Variants in SLC22A6 observed in about 807,000 individuals in gnomAD.
SLC22A6 encodes PAH transporter.
Under a neutral mutation model 56.7 loss-of-function variants are expected in SLC22A6, and 45 were observed. The observed-to-expected ratio is 0.79, with a 90% CI of 0.63 to 1.02. The LOEUF is 1.02. Ranked by LOEUF, SLC22A6 falls within the 50% of genes least tolerant of loss-of-function variation. The probability of loss-of-function intolerance (pLI) is 0.00; values close to 1 mark genes in which losing one functional copy is unlikely to be tolerated. For missense variants in SLC22A6, 606 were observed against 713.8 expected (o/e 0.85, Z 1.72); for synonymous variants, 291 against 295.9 (o/e 0.98, Z 0.17).
chr11:62,979,033 T>C (rs879902682), intron 8 of SLC22A6, among the ~76,000 whole-genome samples: 6 of 152,218 alleles, frequency 3.9e-5, no homozygotes, highest in Non-Finnish European at 8.8e-5. Context: ...AAATAAGCAA[T>C]ACTATATTTA....
chr11:62,984,357 C>CA lies in SLC22A6; in HGVS notation c.333dup (p.Asp112Ter). 1 of 1,613,726 alleles carries CA rather than the reference C, an allele frequency of 6.2e-7. No homozygotes were observed. The highest frequency in any genetic ancestry group is 8.5e-7 in the Non-Finnish European group (1 of 1,179,986). ...ATGGTAGATGGGAAGGTGCTGTTGT[C>CA]ATAGATCCAGCCATCGGTGCAGGGC... On this transcript the variant is annotated frameshift_variant, in exon 1 of 10. Transcript: ENST00000360421. LOFTEE classifies it high-confidence loss of function.
At chr11:62,978,309 G>GTTTATTTTAT (rs57569773) in intron 8 of SLC22A6, among the ~76,000 whole-genome samples, 7,575 of 133,248 alleles carry the variant, frequency 0.057, 293 homozygotes, top group East Asian at 0.12. Flanking sequence ...TCCCATTCTT[G>GTTTATTTTAT]TTTATTTTAT....
intron 8 of SLC22A6, 69 bp from the exon 9 acceptor site, chr11:62,977,456 T>C: frequency 6.6e-7 from 1 of 1,518,806 alleles, no homozygotes; most frequent in South Asian, 1.2e-5. Flanking sequence ...TGGTCCCATT[T>C]GGAGGGTGGC....
At chr11:62,982,082 C>T in intron 3 of SLC22A6, 72 bp from the exon 4 acceptor site, 3 of 1,484,106 alleles carry the variant, frequency 2.0e-6, no homozygotes, top group Non-Finnish European at 2.7e-6. Flanking sequence ...CTCCCTCCAT[C>T]CAAACCTTGG....
At position 62,979,701 on chromosome 11, in the gene SLC22A6, G is replaced by A. The variant is rs957648644; in HGVS notation, c.1252+33C>T. Reference sequence around the variant, plus strand: ...GGGTTATGTGTGGGGATGGGGCTGAGGAGAAGGGGCCAAGGTGCTCGTGGG... The same window carrying A: ...GGGTTATGTGTGGGGATGGGGCTGAAGAGAAGGGGCCAAGGTGCTCGTGGG... On this transcript the variant is annotated intron_variant, in intron 7 of 9. Coordinates refer to ENST00000360421, the MANE Select transcript of SLC22A6 (RefSeq NM_153276.3). 1.9e-6 allele frequency: 3 copies of A among 1,608,002 alleles called. No homozygotes were observed. In the East Asian group the frequency reaches 6.7e-5, roughly 36 times the overall value.
rs373005609 is a variant in SLC22A6 at position 62,979,976 on chromosome 11, G to A, written c.1038-28C>T. The A allele has an allele frequency of 2.9e-5, 45 of 1,562,612 alleles. No individual in the cohort carries two copies. In the African/African-American group the frequency reaches 3.9e-4, roughly 14 times the overall value. On this transcript the variant is annotated intron_variant, in intron 6 of 9. Coordinates refer to ENST00000360421, the MANE Select transcript of SLC22A6 (RefSeq NM_153276.3). Reference sequence around the variant, plus strand: ...AGCAGAGAGAAGAGAGGAGTATGGAGTTTGTTAGGAAGGCTTAAAGTGGGG... The same window carrying A: ...AGCAGAGAGAAGAGAGGAGTATGGAATTTGTTAGGAAGGCTTAAAGTGGGG...
At chr11:62,980,264 G>C (rs550574508) in intron 6 of SLC22A6, among the ~76,000 whole-genome samples, 6 of 152,310 alleles carry the variant, frequency 3.9e-5, no homozygotes, top group African/African-American at 1.4e-4. Context: ...AGGGAGGGCA[G>C]GTGCATACCC....
Position 62,984,870 on chromosome 11 carries a change from C to G in SLC22A6, c.-180G>C. ...GGGGACAGCAGCCTCCTTGGCTGCT[C>G]CTCCTTCTTCCCCGGTCTCCCTGAT... On this transcript the variant is annotated 5_prime_UTR_variant, in exon 1 of 10. Transcript: ENST00000360421. 1 of 617,196 alleles carries G rather than the reference C, an allele frequency of 1.6e-6. No homozygotes were observed. The highest frequency in any genetic ancestry group is 2.0e-5 in the South Asian group (1 of 50,528). 38.2% of individuals were successfully genotyped at this position (617,196 alleles called of 1,614,324 possible).
chr11:62,983,937 G>A lies in SLC22A6; in HGVS notation c.473+7C>T, dbSNP rs770320097. 1 of 1,604,026 alleles carries A rather than the reference G, an allele frequency of 6.2e-7. No homozygotes were observed. The highest frequency in any genetic ancestry group is 8.5e-7 in the Non-Finnish European group (1 of 1,171,672). On this transcript the variant is annotated splice_region_variant and intron_variant, in intron 2 of 9. Coordinates refer to ENST00000360421, the MANE Select transcript of SLC22A6 (RefSeq NM_153276.3). This position sits in a 1 kb window ranked among gnomAD's most constrained non-coding sequence, Gnocchi z 4.5. The stretch of plus-strand genomic sequence containing the variant: ...AGCCCAGCCCCTTGACCCTACCCAG[G>A]ACTGACCTGTCTGCAAGGTAGCCGA...
intron 8 of SLC22A6, among the ~76,000 whole-genome samples, chr11:62,979,070 G>A (rs554422737): frequency 6.6e-5 from 10 of 152,356 alleles, no homozygotes; most frequent in African/African-American, 2.4e-4. Context: ...ATTATCAGGA[G>A]TGAATCTTGA....
chr11:62,981,358 G>A lies in SLC22A6; in HGVS notation c.823C>T (p.His275Tyr). ...AGGTCCAGCCTCCCGGAGGAGGAGT[G>A]CCAGCGGGCCGACTCAATGAAGAAC... ...SWFFIESARW[H>Y]SSSGRLDLTL... Residue 275 changes from histidine (H) to tyrosine (Y), a missense_variant, in exon 5 of 10, where the codon CAC (histidine) becomes TAC (tyrosine). Physicochemically the swap from His to Tyr is moderately conservative, Grantham distance 83. Transcript: ENST00000360421. 1 of 1,541,548 alleles carries A rather than the reference G, an allele frequency of 6.5e-7. No individual in the cohort carries two copies. Among genetic ancestry groups the A allele is most frequent in the South Asian group, 1.1e-5 (1 of 87,074 alleles).
rs1017807044 is a variant in SLC22A6, at chr11:62,983,423, C to T, written c.628+114G>A. 5.7e-5 allele frequency: 62 copies of T among 1,085,368 alleles called. No homozygotes were observed. The highest frequency in any genetic ancestry group is 7.8e-5 in the East Asian group (3 of 38,432). The allele number at this position is 1,085,368 out of a possible 1,614,324, so 67.2% of individuals were successfully genotyped here. On this transcript the variant is annotated intron_variant, in intron 3 of 9. Transcript: ENST00000360421. The surrounding 1 kb of genome is among the most constrained non-coding windows in gnomAD (Gnocchi z 4.5). ...GTTCTATTGGCAGGAAGGTGAGACCCGAGAGAGGCTGGAGGGCAGGCAGGG... is the reference window on the plus strand; with the variant it reads ...GTTCTATTGGCAGGAAGGTGAGACCTGAGAGAGGCTGGAGGGCAGGCAGGG...
intron 4 of SLC22A6, 151 bp downstream of exon 4, chr11:62,981,691 G>T: frequency 5.0e-6 from 4 of 804,034 alleles, no homozygotes; most frequent in Non-Finnish European, 7.6e-6. Context: ...CACAGCCTTG[G>T]TTTCCCTATC....
chr11:62,983,851 C>A lies in SLC22A6; in HGVS notation c.473+93G>T. The A allele has an allele frequency of 8.3e-7, 1 of 1,198,426 alleles. No homozygotes were observed. The highest frequency in any genetic ancestry group is 1.2e-6 in the Non-Finnish European group (1 of 849,360). 74.2% of individuals were successfully genotyped at this position (1,198,426 alleles called of 1,614,324 possible). A position where few individuals can be genotyped will look rare whatever the true frequency, so the allele number is the denominator to read the frequency against. The stretch of plus-strand genomic sequence containing the variant: ...CTGTAGATCCTCAAACCAGCGCCGG[C>A]TGGCAATGCCAAGCTCCCACCTAGA... On this transcript the variant is annotated intron_variant, in intron 2 of 9. Transcript: ENST00000360421. This position sits in a 1 kb window ranked among gnomAD's most constrained non-coding sequence, Gnocchi z 4.5.
chr11:62,984,675 G>C lies in SLC22A6; in HGVS notation c.16C>G (p.Leu6Val). The change falls in exon 1 of 10, where the codon CTC becomes GTC. Residue 6 changes from leucine (L) to valine (V), a missense_variant. Leu to Val is a conservative substitution (Grantham distance 32). Transcript: ENST00000360421. MAFND[L>V]LQQVGGVGRF... ...CCGACACCCCCCACCTGCTGCAGGA[G>C]GTCATTAAAGGCCATTGGGCCAGGC... 6.2e-6 allele frequency: 10 copies of C among 1,613,122 alleles called. No homozygotes were observed. The highest frequency in any genetic ancestry group is 8.5e-6 in the Non-Finnish European group (10 of 1,179,876).
rs554783484 is a variant in SLC22A6, at chr11:62,977,275, C to A, written c.1474G>T (p.Ala492Ser). ...ACAGCGCTGGCGGCCACAGGAACAG[C>A]ACCGTAGATGAAGAGAGGCATGGAG... Reference protein sequence around the residue: ...YPSMPLFIYGAVPVAASAVTV... With the variant: ...YPSMPLFIYGSVPVAASAVTV... The change falls in exon 9 of 10, where the codon GCT (alanine) becomes TCT (serine). Residue 492 changes from alanine to serine, a missense_variant. Coordinates refer to ENST00000360421, the MANE Select transcript of SLC22A6 (RefSeq NM_153276.3). 6.2e-7 allele frequency: 1 copy of A among 1,614,132 alleles called. No individual in the cohort carries two copies. Among genetic ancestry groups the A allele is most frequent in the South Asian group, 1.1e-5 (1 of 91,082 alleles).
Position 62,984,667 on chromosome 11 carries a change from C to T in SLC22A6, c.24G>A (p.Gln8=), listed in dbSNP as rs1565289155. Residue 8 remains glutamine, a synonymous_variant, in exon 1 of 10, where the codon CAG becomes CAA. Transcript: ENST00000360421. MAFNDLL[Q]QVGGVGRFQQ... ...GGAAGCGGCCGACACCCCCCACCTGCTGCAGGAGGTCATTAAAGGCCATTG... is the reference window on the plus strand; with the variant it reads ...GGAAGCGGCCGACACCCCCCACCTGTTGCAGGAGGTCATTAAAGGCCATTG... 6.2e-7 allele frequency: 1 copy of T among 1,613,492 alleles called. No individual in the cohort carries two copies. Among genetic ancestry groups the T allele is most frequent in the African/African-American group, 1.3e-5 (1 of 75,052 alleles).
chr11:62,978,987 C>T (rs930514172), intron 8 of SLC22A6, among the ~76,000 whole-genome samples: 4 of 152,146 alleles, frequency 2.6e-5, no homozygotes, highest in Non-Finnish European at 5.9e-5. Flanking sequence ...ATTCTTGTTT[C>T]TTAATGCAAA....
chr11:62,976,698 G>A lies in SLC22A6; in HGVS notation c.*96C>T. On this transcript the variant is annotated 3_prime_UTR_variant, in exon 10 of 10. Transcript: ENST00000360421. ...TTCCTGAACCACAACCCCCACACTT[G>A]GGTCACCATTTCCTCTTCCTCCTCC... 9.8e-7 allele frequency: 1 copy of A among 1,016,594 alleles called. No individual in the cohort carries two copies. Among genetic ancestry groups the A allele is most frequent in the Non-Finnish European group, 1.5e-6 (1 of 685,346 alleles). The allele number at this position is 1,016,594 out of a possible 1,614,324, so 63.0% of individuals were successfully genotyped here. A position where few individuals can be genotyped will look rare whatever the true frequency, so the allele number is the denominator to read the frequency against.
Sources: allele counts gnomAD v4.1 joint callset (sites outside exome capture counted in the v4.1 genomes callset), GRCh38; gene constraint gnomAD v4.1.1; non-coding constraint Gnocchi (gnomAD v3.1); transcripts MANE v1.5; gene names NCBI Gene and HGNC (gene_info 2026-07-23, HGNC 2026-07-21).